JHY: variants seen among roughly 807,000 people sequenced by gnomAD.
JHY encodes junctional cadherin complex regulator.
In JHY, 69 loss-of-function variants were observed where a neutral mutation model predicts 78.0. The observed-to-expected ratio is 0.88, with a 90% CI of 0.73 to 1.08. The LOEUF (loss-of-function observed/expected upper bound fraction) is 1.08, where lower values mean the gene tolerates loss of function less well. Among genes scored for constraint, JHY ranks in the 50% least tolerant of loss-of-function variants. The pLI is 0.00. For synonymous variants in JHY, 368 were observed against 342.6 expected, an observed-to-expected ratio of 1.07 and a Z score of -0.82; for missense variants, 944 against 927.8, an observed-to-expected ratio of 1.02 and a Z score of -0.23.
At chr11:122,911,761 T>G (rs1339619938) in intron 3 of JHY, among the ~76,000 whole-genome samples, 1 of 151,302 alleles carries the variant, frequency 6.6e-6, no homozygotes, top group Admixed American at 6.6e-5. Context: ...CAAAATTAGC[T>G]GAGCGTGGTG....
Position 122,898,865 on chromosome 11 carries a change from C to T in JHY, c.345-5060C>T, listed in dbSNP as rs1263505505. ...TTGCTTGCCCTTGAGCTGTGCTCCT[C>T]GACCTGCCCTCCTCTCACCCTCCAT... On this transcript the variant is annotated intron_variant, in intron 2 of 8. Transcript: ENST00000227349. This position sits in a 1 kb window ranked among gnomAD's most constrained non-coding sequence, Gnocchi z 4.4. Among the ~76,000 whole-genome samples, 3 of 152,350 alleles carry T rather than the reference C, an allele frequency of 2.0e-5. No individual in the cohort carries two copies. The highest frequency in any genetic ancestry group is 3.4e-3 in the Middle Eastern group (1 of 294).
rs758770548 is a variant in JHY, at chr11:122,934,606, G to A, written c.1165G>A (p.Gly389Arg). The change falls in exon 5 of 9, where the codon GGG (glycine) becomes AGG (arginine). Residue 389 changes from glycine to arginine, a missense_variant. Transcript: ENST00000227349. ...AACGGAAGAGGTGACTGCCAGTCAG[G>A]GGAACCAGAATAACCCTCCCAGGCA... is the stretch of plus-strand genomic sequence containing the variant. ...STTEEVTASQ[G>R]NQNNPPRQQQ... 23 of 1,613,918 alleles carry A rather than the reference G, an allele frequency of 1.4e-5. No homozygotes were observed. In the Admixed American group the frequency reaches 1.8e-4, roughly 13 times the overall value.
At chr11:122,919,768 C>T (rs1464691906) in intron 3 of JHY, among the ~76,000 whole-genome samples, 3 of 152,142 alleles carry the variant, frequency 2.0e-5, no homozygotes, top group East Asian at 1.9e-4. Flanking sequence ...CACCTGAGAT[C>T]AGGAGTTCAA....
chr11:122,949,969 G>A (rs1386700269), intron 6 of JHY, among the ~76,000 whole-genome samples: 2 of 151,832 alleles, frequency 1.3e-5, no homozygotes, highest in East Asian at 3.9e-4. Flanking sequence ...GAGTATCTGG[G>A]ATTACAGGCG....
intron 3 of JHY, among the ~76,000 whole-genome samples, chr11:122,918,018 A>C (rs1251088385): frequency 6.6e-6 from 1 of 151,552 alleles, no homozygotes; most frequent in Non-Finnish European, 1.5e-5. Context: ...GTCATGCCTC[A>C]GTCTCCCAAG....
At chr11:122,957,632 C>A in intron 8 of JHY, 141 bp downstream of exon 8, 2 of 853,090 alleles carry the variant, frequency 2.3e-6, no homozygotes, top group African/African-American at 1.9e-5. Context: ...TGGGCTCAAG[C>A]TATCCTCCAA....
At chr11:122,884,386 A>G (rs1862450558) in intron 1 of JHY, among the ~76,000 whole-genome samples, 1 of 152,166 alleles carries the variant, frequency 6.6e-6, no homozygotes, top group Admixed American at 6.5e-5. Flanking sequence ...GCAAGCCATT[A>G]AGACAAATTT....
chr11:122,915,712 C>T (rs1331286438), intron 3 of JHY, among the ~76,000 whole-genome samples: 1 of 152,052 alleles, frequency 6.6e-6, no homozygotes, highest in East Asian at 1.9e-4. Context: ...AGGGGTTTCA[C>T]CATGTTGGCC....
rs1864289629 is a variant in JHY at position 122,960,508 on chromosome 11, T to A, written c.*1063T>A. The A allele has an allele frequency of 4.2e-6, 1 of 238,284 alleles. No homozygotes were observed. The highest frequency in any genetic ancestry group is 8.8e-6 in the Non-Finnish European group (1 of 113,850). 14.8% of individuals were successfully genotyped at this position (238,284 alleles called of 1,614,324 possible). ...AGAGGAAAAGTTCGTTTTGGGCTGA[T>A]CCCTGAGGAATTCTTCCAATTTCTT... On this transcript the variant is annotated 3_prime_UTR_variant, in exon 9 of 9. Transcript: ENST00000227349.
At chr11:122,940,472 T>C (rs569303251) in intron 5 of JHY, among the ~76,000 whole-genome samples, 1 of 152,390 alleles carries the variant, frequency 6.6e-6, no homozygotes, top group Admixed American at 6.5e-5. Context: ...GCAAGAATAC[T>C]ACTTGGGTGA....
intron 3 of JHY, among the ~76,000 whole-genome samples, chr11:122,916,577 A>G (rs1188715808): frequency 6.6e-6 from 1 of 152,112 alleles, no homozygotes; most frequent in East Asian, 1.9e-4. Flanking sequence ...ACCTTAAGAA[A>G]CAATTTAAGA....
intron 1 of JHY, among the ~76,000 whole-genome samples, chr11:122,884,931 C>T (rs1201659308): frequency 6.6e-6 from 1 of 151,794 alleles, no homozygotes; most frequent in Non-Finnish European, 1.5e-5. Flanking sequence ...TCCCGAGTAG[C>T]TGGGACTACA....
At chr11:122,955,309 T>C (rs1348458240) in intron 6 of JHY, among the ~76,000 whole-genome samples, 1 of 152,042 alleles carries the variant, frequency 6.6e-6, no homozygotes, top group Non-Finnish European at 1.5e-5. Context: ...TTAGTAGGGA[T>C]GGGTTTTCAC....
At chr11:122,910,446 G>A (rs528998314) in intron 3 of JHY, among the ~76,000 whole-genome samples, 2 of 152,014 alleles carry the variant, frequency 1.3e-5, no homozygotes, top group East Asian at 3.9e-4. Flanking sequence ...CTCCAGCCTG[G>A]GCGACAGAGT....
chr11:122,961,365 C>T lies in JHY; in HGVS notation c.*1920C>T, dbSNP rs540765165. Among the ~76,000 whole-genome samples the T allele has an allele frequency of 6.6e-6, 1 of 150,982 alleles. No individual in the cohort carries two copies. Among genetic ancestry groups the T allele is most frequent in the Non-Finnish European group, 1.5e-5 (1 of 67,744 alleles). ...GTTTTTAGACAGACTCTCGCTCTGT[C>T]ACCCAGGCTGGAGTGCAGTGGCACA... On this transcript the variant is annotated 3_prime_UTR_variant, in exon 9 of 9. Coordinates refer to ENST00000227349, the MANE Select transcript of JHY (RefSeq NM_024806.4).
At chr11:122,952,683 A>G (rs751151670) in intron 6 of JHY, among the ~76,000 whole-genome samples, 3 of 152,206 alleles carry the variant, frequency 2.0e-5, no homozygotes, top group South Asian at 4.1e-4. Flanking sequence ...ATGCATCACA[A>G]TGTGTCTTTT....
At chr11:122,897,968 A>G (rs780585644) in intron 2 of JHY, among the ~76,000 whole-genome samples, 4 of 152,206 alleles carry the variant, frequency 2.6e-5, no homozygotes, top group Non-Finnish European at 4.4e-5. Context: ...AGAACAGTGG[A>G]GTTGGAATGG....
chr11:122,926,023 G>GAA (rs60531071), intron 4 of JHY, among the ~76,000 whole-genome samples: 253 of 131,622 alleles, frequency 1.9e-3, no homozygotes, highest in African/African-American at 5.3e-3. Context: ...TATCAAAAAA[G>GAA]AAAAAAAAAA....
chr11:122,930,971 C>T (rs76907401), intron 4 of JHY, among the ~76,000 whole-genome samples: 5,574 of 152,206 alleles, frequency 0.037, 324 homozygotes, highest in African/African-American at 0.12. Context: ...TGAGGATCTG[C>T]TTCCTGGTTC....
Sources: allele counts gnomAD v4.1 joint callset (sites outside exome capture counted in the v4.1 genomes callset), GRCh38; gene constraint gnomAD v4.1.1; non-coding constraint Gnocchi (gnomAD v3.1); transcripts MANE v1.5; gene names NCBI Gene and HGNC (gene_info 2026-07-23, HGNC 2026-07-21).